The following GK variants were observed in gnomAD, a reference collection of about 807,000 sequenced individuals.
The protein encoded by GK is ATP:glycerol 3-phosphotransferase.
Under a neutral mutation model 56.4 loss-of-function variants are expected in GK, and 9 were observed. That is an observed-to-expected ratio of 0.16 (90% CI 0.10 to 0.28). The LOEUF is 0.28. Ranked by LOEUF, GK falls within the 10% of genes least tolerant of loss-of-function variation. The pLI is 1.00. For synonymous variants in GK, 104 were observed against 144.1 expected, an observed-to-expected ratio of 0.72 and a Z score of 1.99; for missense variants, 161 against 431.4, an observed-to-expected ratio of 0.37 and a Z score of 5.55.
At chrX:30,716,497 T>C (rs1936631311) in intron 13 of GK, among the ~76,000 whole-genome samples, 2 of 112,252 alleles carry the variant, frequency 1.8e-5, no homozygotes, top group African/African-American at 6.5e-5. Context: ...TGAAATTTTT[T>C]TTAATACATT....
At chrX:30,694,606 G>A in intron 6 of GK, 69 bp downstream of exon 6, 1 of 894,625 alleles carries the variant, frequency 1.1e-6, no homozygotes, top group Non-Finnish European at 1.6e-6. Flanking sequence ...CTTGCCTATT[G>A]TTTCTACTAG....
At chrX:30,656,143 A>G (rs967785) in intron 1 of GK, among the ~76,000 whole-genome samples, 35,741 of 110,531 alleles carry the variant, frequency 0.32, 4,301 homozygotes, top group African/African-American at 0.38. Context: ...AAGGAGAGAG[A>G]TTGCTAAACC....
chrX:30,698,098 C>T, intron 9 of GK: 1 of 168,631 alleles, frequency 5.9e-6, no homozygotes, highest in Non-Finnish European at 1.1e-5. Flanking sequence ...TATTGACCAC[C>T]TTTCCAGACC....
intron 9 of GK, among the ~76,000 whole-genome samples, chrX:30,699,609 C>A (rs1350473034): frequency 1.8e-5 from 2 of 109,735 alleles, no homozygotes; most frequent in Non-Finnish European, 3.8e-5. Flanking sequence ...GGTGATCCTC[C>A]CACCTCGGCC....
intron 5 of GK, among the ~76,000 whole-genome samples, chrX:30,693,632 T>A (rs1414278719): frequency 8.9e-6 from 1 of 111,744 alleles, no homozygotes; most frequent in Non-Finnish European, 1.9e-5. Flanking sequence ...CACTGCAACC[T>A]CTGCCTCCCA....
intron 8 of GK, 102 bp downstream of exon 8, chrX:30,696,785 A>C (rs771952649): frequency 3.2e-6 from 2 of 622,160 alleles, no homozygotes; most frequent in South Asian, 5.0e-5. Context: ...CAAGTTTACT[A>C]TTCATAATTC....
chrX:30,668,409 A>G (rs958157231), intron 3 of GK, among the ~76,000 whole-genome samples: 1 of 112,149 alleles, frequency 8.9e-6, no homozygotes. Context: ...CTTGCTTTAG[A>G]TTAGGTGGCC....
intron 13 of GK, among the ~76,000 whole-genome samples, chrX:30,710,409 G>C (rs1936258258): frequency 9.0e-6 from 1 of 111,557 alleles, no homozygotes; most frequent in Admixed American, 9.5e-5. Flanking sequence ...TAACGGTGTA[G>C]TTAGAATTTT....
intron 1 of GK, among the ~76,000 whole-genome samples, chrX:30,659,883 G>A (rs1932612663): frequency 9.0e-6 from 1 of 111,188 alleles, no homozygotes; most frequent in Non-Finnish European, 1.9e-5. Context: ...CCAGTAGCTG[G>A]GATTATAGGT....
chrX:30,698,284 A>G (rs1031990255), intron 9 of GK: 6 of 114,087 alleles, frequency 5.3e-5, no homozygotes, highest in Non-Finnish European at 1.1e-4. Context: ...ACTTCTTGTA[A>G]TACTTAAATA....
chrX:30,724,018 T>C (rs1192146019), intron 18 of GK, 83 bp from the exon 19 acceptor site: 3 of 602,047 alleles, frequency 5.0e-6, no homozygotes, highest in Non-Finnish European at 8.5e-6. Flanking sequence ...TTGTCAAGAA[T>C]GTTGAGTGAT....
At position 30,679,475 on chromosome X, in the gene GK, G is replaced by A. The variant is rs62591598; in HGVS notation, c.337+2023G>A. Among the ~76,000 whole-genome samples, 681 of 111,191 alleles carry A rather than the reference G, an allele frequency of 6.1e-3. 2 individuals are homozygous for A. Among genetic ancestry groups the A allele is most frequent in the Non-Finnish European group, 7.3e-3 (386 of 53,016 alleles). On this transcript the variant is annotated intron_variant, in intron 4 of 20. Transcript: ENST00000427190. ...TCAGGTGATCTGCCCACCTTGGCAC[G>A]CCCGGCTAGTTCCAGTTATATTCTA...
intron 1 of GK, among the ~76,000 whole-genome samples, chrX:30,657,092 A>G (rs1173236384): frequency 8.9e-6 from 1 of 112,332 alleles, no homozygotes; most frequent in Non-Finnish European, 1.9e-5. Flanking sequence ...GTCGTGATCC[A>G]CCCACGTTGG....
At chrX:30,666,226 C>T (rs1370800479) in intron 2 of GK, among the ~76,000 whole-genome samples, 3 of 111,676 alleles carry the variant, frequency 2.7e-5, no homozygotes, top group Non-Finnish European at 5.6e-5. Flanking sequence ...AAAGTCGCCC[C>T]AAACTGGAAA....
intron 1 of GK, among the ~76,000 whole-genome samples, chrX:30,654,580 G>A (rs778620856): frequency 9.1e-6 from 1 of 110,211 alleles, no homozygotes; most frequent in South Asian, 3.9e-4. Flanking sequence ...AAAATTAGCT[G>A]GGCGTGGTGG....
chrX:30,661,538 C>T (rs1932758690), intron 1 of GK, among the ~76,000 whole-genome samples: 1 of 111,100 alleles, frequency 9.0e-6, no homozygotes, highest in Admixed American at 9.7e-5. Flanking sequence ...CCCTCGCCCA[C>T]CTGAACACCC....
At chrX:30,671,291 C>CAAAAAAAAAAAAAAAA (rs56822779) in intron 3 of GK, among the ~76,000 whole-genome samples, 2 of 27,306 alleles carry the variant, frequency 7.3e-5, no homozygotes, top group Non-Finnish European at 1.4e-4. Flanking sequence ...AACTCCATCT[C>CAAAAAAAAAAAAAAAA]AAAAAAAAAA....
At chrX:30,711,011 T>C (rs900426828) in intron 13 of GK, among the ~76,000 whole-genome samples, 1 of 111,819 alleles carries the variant, frequency 8.9e-6, no homozygotes, top group African/African-American at 3.2e-5. Context: ...TTGTTTTCTT[T>C]GCAGTCCACA....
chrX:30,700,754 A>G, intron 10 of GK, 84 bp from the exon 11 acceptor site: 1 of 634,127 alleles, frequency 1.6e-6, no homozygotes, highest in Non-Finnish European at 2.4e-6. Flanking sequence ...ATAAATAAAA[A>G]ATGAAAAATC....
Sources: gnomAD v4.1 joint callset for allele counts (sites outside exome capture counted in the v4.1 genomes callset) on GRCh38, gnomAD v4.1.1 for gene constraint, MANE v1.5 for transcripts, NCBI Gene and HGNC (gene_info 2026-07-23, HGNC 2026-07-21) for gene names.